The following UPF3A variants were observed in gnomAD, a reference collection of about 807,000 sequenced individuals.
The protein encoded by UPF3A is regulator of nonsense transcripts 3A.
Under a neutral mutation model 53.5 loss-of-function variants are expected in UPF3A, and 42 were observed. That is an observed-to-expected ratio of 0.78 (90% CI 0.61 to 1.01). The LOEUF (loss-of-function observed/expected upper bound fraction) is 1.01. Ranked by LOEUF, UPF3A falls within the 50% of genes least tolerant of loss-of-function variation. UPF3A has a pLI of 0.00. For missense variants in UPF3A, 575 were observed against 598.0 expected (o/e 0.96, Z 0.40); for synonymous variants, 237 against 225.3 (o/e 1.05, Z -0.47).
chr13:114,297,945 TTGCAGTGAGCCGAGAC>T (rs1435402737), intron 7 of UPF3A, among the ~76,000 whole-genome samples: 1 of 151,738 alleles, frequency 6.6e-6, no homozygotes, highest in African/African-American at 2.4e-5. Flanking sequence ...GAGACGGAGG[TTGCAGTGAGCCGAGAC>T]TGCACCACTG....
At chr13:114,295,367 C>G (rs1257404684) in intron 7 of UPF3A, among the ~76,000 whole-genome samples, 1 of 133,112 alleles carries the variant, frequency 7.5e-6, no homozygotes, top group East Asian at 2.0e-4. Context: ...TCCAGCGGCT[C>G]TGGCGTGCTC....
Position 114,301,876 on chromosome 13 carries a change from G to T in UPF3A, c.1153G>T (p.Glu385Ter). 2 of 1,611,824 alleles carry T rather than the reference G, an allele frequency of 1.2e-6. No homozygotes were observed. The highest frequency in any genetic ancestry group is 1.7e-6 in the Non-Finnish European group (2 of 1,179,114). The change falls in exon 9 of 10, where the codon GAG becomes TAG. Residue 385 changes from glutamate to a stop codon, truncating the protein, a stop_gained. Transcript: ENST00000375299. LOFTEE classifies it high-confidence loss of function. The stretch of plus-strand genomic sequence containing the variant: ...ACGGCTTTCCAGAAGGAGTGAGGAT[G>T]AGCAGAGATGGGGGAAAGGACCTGG... Reference protein sequence around the residue: ...PERLSRRSEDEQRWGKGPGQD... With the variant: ...PERLSRRSED
chr13:114,301,883 G>T lies in UPF3A; in HGVS notation c.1160G>T (p.Arg387Ile), dbSNP rs2086638384. Residue 387 changes from arginine (R) to isoleucine (I), a missense_variant, in exon 9 of 10, where the codon AGA (arginine) becomes ATA (isoleucine). Coordinates refer to ENST00000375299, the MANE Select transcript of UPF3A (RefSeq NM_023011.4). ...TCCAGAAGGAGTGAGGATGAGCAGA[G>T]ATGGGGGAAAGGACCTGGCCAAGAC... ...RLSRRSEDEQ[R>I]WGKGPGQDRG... 1 of 1,611,432 alleles carries T rather than the reference G, an allele frequency of 6.2e-7. No individual in the cohort carries two copies. The highest frequency in any genetic ancestry group is 8.5e-7 in the Non-Finnish European group (1 of 1,178,966).
At chr13:114,294,117 A>T (rs892313048) in intron 7 of UPF3A, among the ~76,000 whole-genome samples, 1 of 152,124 alleles carries the variant, frequency 6.6e-6, no homozygotes, top group African/African-American at 2.4e-5. Flanking sequence ...TGTGCTCAGT[A>T]TGGGGGTCTT....
chr13:114,287,906 A>G (rs2084886711), intron 5 of UPF3A, among the ~76,000 whole-genome samples: 1 of 152,100 alleles, frequency 6.6e-6, no homozygotes, highest in Non-Finnish European at 1.5e-5. Context: ...TTCCCAGTTC[A>G]GGCCATTCTT....
intron 3 of UPF3A, chr13:114,286,055 CAGG>C: frequency 2.2e-6 from 1 of 464,230 alleles, no homozygotes. Flanking sequence ...TTCTTCTTAC[CAGG>C]AGTTCATCCT....
intron 7 of UPF3A, among the ~76,000 whole-genome samples, chr13:114,296,757 A>G (rs2086072204): frequency 1.3e-5 from 2 of 152,130 alleles, no homozygotes; most frequent in Non-Finnish European, 2.9e-5. Context: ...CTCCAGGTCG[A>G]TGATCTCAGA....
chr13:114,288,856 A>G (rs2084994730), intron 5 of UPF3A, among the ~76,000 whole-genome samples: 1 of 152,176 alleles, frequency 6.6e-6, no homozygotes, highest in African/African-American at 2.4e-5. Flanking sequence ...TCGAGATTTC[A>G]CTTAAGAACT....
chr13:114,301,289 G>A (rs897041193), intron 8 of UPF3A, among the ~76,000 whole-genome samples: 7 of 151,870 alleles, frequency 4.6e-5, no homozygotes, highest in South Asian at 2.1e-4. Context: ...GTGAAACCCC[G>A]TCTCTACTAA....
At chr13:114,295,120 A>G (rs2085753426) in intron 7 of UPF3A, among the ~76,000 whole-genome samples, 2 of 151,106 alleles carry the variant, frequency 1.3e-5, no homozygotes, top group African/African-American at 2.4e-5. Context: ...TCAAAAAAAA[A>G]AAAAAAAAGA....
intron 7 of UPF3A, among the ~76,000 whole-genome samples, chr13:114,295,079 T>C (rs1175220430): frequency 3.6e-5 from 5 of 140,386 alleles, no homozygotes; most frequent in East Asian, 2.1e-4. Context: ...GCCACTGCAC[T>C]CCAGCCTGGG....
chr13:114,304,994 G>A lies in UPF3A; in HGVS notation c.*77G>A, dbSNP rs764618491. The A allele has an allele frequency of 3.9e-6, 6 of 1,527,782 alleles. No individual in the cohort carries two copies. The highest frequency in any genetic ancestry group is 3.9e-5 in the Admixed American group (2 of 51,080). 94.6% of individuals were successfully genotyped at this position (1,527,782 alleles called of 1,614,324 possible). A position where few individuals can be genotyped will look rare whatever the true frequency, so the allele number is the denominator to read the frequency against. ...TGTAAATGACCCCGAGTGTGACTGG[G>A]AAGGAGAACTTATTCCTTACCAGGA... On this transcript the variant is annotated 3_prime_UTR_variant, in exon 10 of 10. Transcript: ENST00000375299.
chr13:114,281,938 G>A, intron 1 of UPF3A, 83 bp from the exon 2 acceptor site: 2 of 1,223,112 alleles, frequency 1.6e-6, no homozygotes, highest in Non-Finnish European at 2.2e-6. Flanking sequence ...GCGGGGGCCG[G>A]GCCTCCCAGC....
chr13:114,282,884 C>T lies in UPF3A; in HGVS notation c.362C>T (p.Pro121Leu), dbSNP rs1308986380. Residue 121 changes from proline to leucine, a missense_variant, in exon 3 of 10, where the codon CCT (proline) becomes CTT (leucine). Transcript: ENST00000375299. ...YSRAYINFRN[P>L]DDILLFRDRF... ...AGAGCATACATTAATTTTAGGAATC[C>T]TGATGACATCCTTCTTTTTAGAGAT... 1 of 1,612,276 alleles carries T rather than the reference C, an allele frequency of 6.2e-7. No individual in the cohort carries two copies. The highest frequency in any genetic ancestry group is 8.5e-7 in the Non-Finnish European group (1 of 1,179,026).
intron 7 of UPF3A, among the ~76,000 whole-genome samples, chr13:114,292,314 C>T (rs1425985380): frequency 7.5e-4 from 113 of 149,858 alleles, no homozygotes; most frequent in Admixed American, 5.4e-3. Context: ...CGACTCAAGG[C>T]GTACACGTGC....
chr13:114,281,950 C>A (rs1042677417), intron 1 of UPF3A, 71 bp from the exon 2 acceptor site: 7 of 1,398,640 alleles, frequency 5.0e-6, no homozygotes, highest in Non-Finnish European at 1.9e-6. Context: ...CCTCCCAGCG[C>A]GGTACGCGGT....
intron 2 of UPF3A, chr13:114,282,576 C>T (rs2084214739): frequency 8.1e-6 from 8 of 985,364 alleles, no homozygotes; most frequent in African/African-American, 3.5e-5. Context: ...TCTGGGAGTG[C>T]GCCCTGGCCT....
intron 8 of UPF3A, among the ~76,000 whole-genome samples, chr13:114,301,267 C>G (rs535012038): frequency 1.3e-5 from 2 of 152,126 alleles, no homozygotes; most frequent in South Asian, 2.1e-4. Context: ...CGAGACCATC[C>G]TAACTAACAC....
rs1185700608 is a variant in UPF3A at position 114,298,848 on chromosome 13, G to A, written c.855G>A (p.Lys285=). Residue 285 remains lysine (K), a synonymous_variant, in exon 8 of 10, where the codon AAG becomes AAA. Transcript: ENST00000375299. The part of the protein sequence containing the change: ...AEKEVRIKLL[K]KPEKGEEPTT... The stretch of plus-strand genomic sequence containing the variant: ...ACATTGTAATTTCTCAGCTTCTTAA[G>A]AAACCAGAAAAGGGAGAGGAACCAA... 1 of 1,564,996 alleles carries A rather than the reference G, an allele frequency of 6.4e-7. No homozygotes were observed. Among genetic ancestry groups the A allele is most frequent in the Non-Finnish European group, 8.6e-7 (1 of 1,161,034 alleles).
Sources: allele counts gnomAD v4.1 joint callset (sites outside exome capture counted in the v4.1 genomes callset), GRCh38; gene constraint gnomAD v4.1.1; transcripts MANE v1.5; gene names NCBI Gene and HGNC (gene_info 2026-07-23, HGNC 2026-07-21).